The following WNK2 variants were observed in gnomAD, a reference collection of about 807,000 sequenced individuals.
WNK2 encodes serine/threonine-protein kinase WNK2.
In WNK2, 67 loss-of-function variants were observed where a neutral mutation model predicts 192.1. The observed-to-expected ratio is 0.35, with a 90% CI of 0.29 to 0.43. The LOEUF (loss-of-function observed/expected upper bound fraction) is 0.43. WNK2 is among the 20% of genes least tolerant of loss of function. The pLI, the probability that WNK2 is intolerant of heterozygous loss-of-function variation, is 1.00. For missense variants in WNK2, 2,698 were observed against 3,089.7 expected, an observed-to-expected ratio of 0.87 and a Z score of 3.01; for synonymous variants, 1,439 against 1,393.9, an observed-to-expected ratio of 1.03 and a Z score of -0.72.
At chr9:93,205,176 C>T (rs111644040) in intron 2 of WNK2, among the ~76,000 whole-genome samples, 6,872 of 152,262 alleles carry the variant, frequency 0.045, 479 homozygotes, top group African/African-American at 0.15. Context: ...CATTTGTAGA[C>T]CAATGTTACC....
At chr9:93,189,521 C>T (rs989245260) in intron 2 of WNK2, among the ~76,000 whole-genome samples, 2 of 152,182 alleles carry the variant, frequency 1.3e-5, no homozygotes, top group African/African-American at 4.8e-5. Flanking sequence ...AACGATGTGT[C>T]CTGCCCCAGC....
rs552654027 is a variant in WNK2 at position 93,231,056 on chromosome 9, C to T, written c.1023C>T (p.Gly341=). Residue 341 remains glycine, a synonymous_variant, in exon 4 of 30, where the codon GGC becomes GGT. Transcript: ENST00000427277. ...ITGPTGSVKI[G]DLGLATLKRA... ...GACCAACTGGGTCTGTGAAGATTGGCGACTTGGGCCTGGCCACTCTGAAAA... is the reference window on the plus strand; with the variant it reads ...GACCAACTGGGTCTGTGAAGATTGGTGACTTGGGCCTGGCCACTCTGAAAA... 29 of 1,613,884 alleles carry T rather than the reference C, an allele frequency of 1.8e-5. No individual in the cohort carries two copies. In the East Asian group the frequency reaches 2.2e-4, roughly 12 times the overall value.
At chr9:93,208,527 T>A (rs529466730) in intron 2 of WNK2, among the ~76,000 whole-genome samples, 1 of 152,284 alleles carries the variant, frequency 6.6e-6, no homozygotes, top group African/African-American at 2.4e-5. Flanking sequence ...GTTATGTGTA[T>A]TCTGTGTGTG....
intron 23 of WNK2, among the ~76,000 whole-genome samples, chr9:93,295,755 T>TATCCTCCCCTCTCC (rs1850183826): frequency 3.1e-5 from 2 of 63,926 alleles, no homozygotes; most frequent in African/African-American, 6.2e-5. Context: ...CTCCCCTCTC[T>TATCCTCCCCTCTCC]ATCCTCCCCT....
chr9:93,200,479 C>A (rs1017977972), intron 2 of WNK2, among the ~76,000 whole-genome samples: 1 of 152,354 alleles, frequency 6.6e-6, no homozygotes, highest in East Asian at 1.9e-4. Flanking sequence ...ACAGTGATGG[C>A]CTGTTGTCCC....
chr9:93,209,357 A>C (rs1587896056), intron 2 of WNK2, among the ~76,000 whole-genome samples: 1 of 152,138 alleles, frequency 6.6e-6, no homozygotes, highest in Non-Finnish European at 1.5e-5. Context: ...GTGTGGCAGG[A>C]CAGCTGTGGG....
intron 4 of WNK2, among the ~76,000 whole-genome samples, chr9:93,232,725 G>A (rs764722256): frequency 4.7e-4 from 71 of 152,278 alleles, no homozygotes; most frequent in South Asian, 1.2e-3. Flanking sequence ...AAGGCCAGGT[G>A]TTTCCAGCAG....
intron 26 of WNK2, among the ~76,000 whole-genome samples, chr9:93,305,564 A>G (rs2134199161): frequency 6.6e-6 from 1 of 152,328 alleles, no homozygotes; most frequent in East Asian, 1.9e-4. Flanking sequence ...TCCCCACACT[A>G]GCTCAGGAAC....
intron 2 of WNK2, among the ~76,000 whole-genome samples, chr9:93,222,485 G>A (rs951881123): frequency 1.3e-5 from 2 of 152,036 alleles, no homozygotes; most frequent in South Asian, 4.1e-4. Flanking sequence ...GTCCAGTGCC[G>A]CCGACTCACC....
intron 27 of WNK2, 147 bp from the exon 28 acceptor site, chr9:93,308,181 A>AATCC: frequency 7.0e-7 from 1 of 1,422,820 alleles, no homozygotes; most frequent in East Asian, 2.5e-5. Flanking sequence ...CAGGCCCCTT[A>AATCC]ATCCGACCGC....
At chr9:93,298,730 A>T (rs970066397) in intron 24 of WNK2, among the ~76,000 whole-genome samples, 1 of 152,234 alleles carries the variant, frequency 6.6e-6, no homozygotes, top group South Asian at 2.1e-4. Context: ...GCACACAGCC[A>T]TGAATTATAC....
chr9:93,287,390 C>G (rs1848606751), intron 19 of WNK2, among the ~76,000 whole-genome samples: 1 of 152,138 alleles, frequency 6.6e-6, no homozygotes, highest in Non-Finnish European at 1.5e-5. Context: ...TAGTCGTGGT[C>G]CCACCCAGCC....
intron 2 of WNK2, among the ~76,000 whole-genome samples, chr9:93,209,834 A>T (rs573580452): frequency 1.3e-5 from 2 of 152,278 alleles, no homozygotes; most frequent in African/African-American, 4.8e-5. Context: ...TCTCCATGTC[A>T]TCCTCCAGGA....
At chr9:93,209,248 T>C (rs1834039351) in intron 2 of WNK2, among the ~76,000 whole-genome samples, 1 of 152,110 alleles carries the variant, frequency 6.6e-6, no homozygotes, top group Admixed American at 6.5e-5. Flanking sequence ...CTCCTGGGGC[T>C]GTACGCCACA....
intron 10 of WNK2, chr9:93,256,713 A>G (rs1347967817): frequency 4.5e-6 from 3 of 666,204 alleles, no homozygotes; most frequent in African/African-American, 3.7e-5. Context: ...CTCACTCAGA[A>G]CATTTCTGCA....
chr9:93,227,924 T>A (rs1190601864), intron 2 of WNK2, among the ~76,000 whole-genome samples: 2 of 152,268 alleles, frequency 1.3e-5, no homozygotes, highest in Non-Finnish European at 2.9e-5. Flanking sequence ...CTGAGCTGGT[T>A]AGGAAGGGCA....
At chr9:93,313,476 G>A (rs1854032811) in intron 28 of WNK2, among the ~76,000 whole-genome samples, 1 of 141,654 alleles carries the variant, frequency 7.1e-6, no homozygotes, top group African/African-American at 2.6e-5. Context: ...TTTAGTTTTT[G>A]TTTGCTCTTT....
At chr9:93,297,402 C>T (rs1465220540) in intron 23 of WNK2, among the ~76,000 whole-genome samples, 4 of 152,184 alleles carry the variant, frequency 2.6e-5, no homozygotes, top group African/African-American at 4.8e-5. Flanking sequence ...TTCTTCATGC[C>T]GTGTTGCATT....
intron 2 of WNK2, among the ~76,000 whole-genome samples, chr9:93,206,198 G>A (rs1833350626): frequency 6.6e-6 from 1 of 152,068 alleles, no homozygotes; most frequent in African/African-American, 2.4e-5. Context: ...TCTGTCTGGA[G>A]TGCGTGTCTT....
Sources: gnomAD v4.1 joint callset for allele counts (sites outside exome capture counted in the v4.1 genomes callset) on GRCh38, gnomAD v4.1.1 for gene constraint, MANE v1.5 for transcripts, NCBI Gene and HGNC (gene_info 2026-07-23, HGNC 2026-07-21) for gene names.